GRIN2B: variants seen among roughly 807,000 people sequenced by gnomAD.
GRIN2B encodes glutamate ionotropic receptor NMDA type subunit 2B, also known as glutamate receptor ionotropic, NMDA 2B.
Under a neutral mutation model 114.5 loss-of-function variants are expected in GRIN2B, and 5 were observed. That is an observed-to-expected ratio of 0.04 (90% CI 0.02 to 0.09). The LOEUF (loss-of-function observed/expected upper bound fraction) is 0.09, where lower values mean the gene tolerates loss of function less well. Among genes scored for constraint, GRIN2B ranks in the 10% least tolerant of loss-of-function variants. GRIN2B has a pLI of 1.00. For synonymous variants in GRIN2B, 787 were observed against 745.1 expected, an observed-to-expected ratio of 1.06 and a Z score of -0.92; for missense variants, 1,108 against 1,943.5, an observed-to-expected ratio of 0.57 and a Z score of 8.08.
At chr12:13,703,182 G>T (rs1056865359) in intron 4 of GRIN2B, among the ~76,000 whole-genome samples, 5 of 152,088 alleles carry the variant, frequency 3.3e-5, no homozygotes, top group Non-Finnish European at 1.5e-5. Flanking sequence ...GTATGCAAGG[G>T]TTGGGCTTTT....
At chr12:13,599,009 G>A (rs891698376) in intron 10 of GRIN2B, among the ~76,000 whole-genome samples, 1 of 152,110 alleles carries the variant, frequency 6.6e-6, no homozygotes, top group Non-Finnish European at 1.5e-5. Flanking sequence ...TTGCCTGCTC[G>A]TTTTCTTCTC....
At chr12:13,884,980 G>C (rs1866131394) in intron 2 of GRIN2B, among the ~76,000 whole-genome samples, 1 of 152,132 alleles carries the variant, frequency 6.6e-6, no homozygotes, top group Non-Finnish European at 1.5e-5. Flanking sequence ...GAGTTTGAGA[G>C]ATTGAGTGAA....
At chr12:13,774,979 AATG>A (rs75004247) in intron 3 of GRIN2B, among the ~76,000 whole-genome samples, 15 of 151,538 alleles carry the variant, frequency 9.9e-5, no homozygotes, top group Admixed American at 7.2e-4. Flanking sequence ...GGAGAGGTAA[AATG>A]ATGATGATGA....
chr12:13,731,459 G>A (rs1015164316), intron 4 of GRIN2B, among the ~76,000 whole-genome samples: 1 of 152,086 alleles, frequency 6.6e-6, no homozygotes, highest in South Asian at 2.1e-4. Flanking sequence ...AAATTAGCTG[G>A]GCGTGGTGGT....
intron 3 of GRIN2B, among the ~76,000 whole-genome samples, chr12:13,755,832 G>A (rs1378592484): frequency 6.6e-6 from 1 of 152,126 alleles, no homozygotes; most frequent in Non-Finnish European, 1.5e-5. Flanking sequence ...AGATGAGTGA[G>A]GCCCTCATAA....
intron 2 of GRIN2B, among the ~76,000 whole-genome samples, chr12:13,888,551 T>C (rs1866204352): frequency 1.3e-5 from 2 of 151,360 alleles, no homozygotes; most frequent in African/African-American, 2.4e-5. Flanking sequence ...CTGGCCAATG[T>C]GGTGAAAACC....
chr12:13,879,005 C>T (rs1376379076), intron 2 of GRIN2B, among the ~76,000 whole-genome samples: 1 of 152,160 alleles, frequency 6.6e-6, no homozygotes, highest in Non-Finnish European at 1.5e-5. Flanking sequence ...ACTTTTTATT[C>T]TTCTCTTTGA....
rs563125374 is a variant in GRIN2B, at chr12:13,716,063, A to G, written c.1010+37254T>C. 4.9e-4 allele frequency among the ~76,000 whole-genome samples: 75 copies of G among 152,062 alleles called. No homozygotes were observed. In the South Asian group the frequency reaches 0.015, roughly 29 times the overall value. On this transcript the variant is annotated intron_variant, in intron 4 of 13. Coordinates refer to ENST00000609686, the MANE Select transcript of GRIN2B (RefSeq NM_000834.5). ...CACAATCCTTTCTGCAGGATTTTTT[A>G]AAAGCCTACAAAGAAAGTCTCAATG...
intron 3 of GRIN2B, among the ~76,000 whole-genome samples, chr12:13,831,068 C>T (rs1365557573): frequency 6.6e-6 from 1 of 152,154 alleles, no homozygotes; most frequent in African/African-American, 2.4e-5. Context: ...ACCCTAAGAG[C>T]AGGTTGTTAA....
chr12:13,577,981 T>C (rs898647719), intron 10 of GRIN2B, among the ~76,000 whole-genome samples: 1 of 152,284 alleles, frequency 6.6e-6, no homozygotes, highest in African/African-American at 2.4e-5. Context: ...AGGAGATGCC[T>C]GTGCTGAAGA....
intron 3 of GRIN2B, among the ~76,000 whole-genome samples, chr12:13,813,008 C>T (rs868588438): frequency 2.1e-5 from 3 of 142,616 alleles, no homozygotes; most frequent in Middle Eastern, 4.1e-3. Flanking sequence ...AGCTTGATCT[C>T]GGCTCACTAC....
intron 5 of GRIN2B, 128 bp from the exon 6 acceptor site, chr12:13,616,785 A>T: frequency 1.3e-6 from 1 of 754,170 alleles, no homozygotes; most frequent in Non-Finnish European, 2.4e-6. Flanking sequence ...CATTGTACAT[A>T]CTAGAGATAG....
At chr12:13,879,417 C>A (rs914690098) in intron 2 of GRIN2B, among the ~76,000 whole-genome samples, 1 of 151,434 alleles carries the variant, frequency 6.6e-6, no homozygotes, top group East Asian at 1.9e-4. Context: ...GGGCACATGA[C>A]CGTATAACAA....
In GRIN2B at chr12:13,559,575, C is replaced by T. The variant is rs745331687; in HGVS notation, c.*3208G>A. 1 of 152,236 alleles carries T rather than the reference C, an allele frequency of 6.6e-6. No individual in the cohort carries two copies. 9.4% of individuals were successfully genotyped at this position (152,236 alleles called of 1,614,324 possible). On this transcript the variant is annotated 3_prime_UTR_variant, in exon 14 of 14. Coordinates refer to ENST00000609686, the MANE Select transcript of GRIN2B (RefSeq NM_000834.5). ...ACATACCCACCCTCCCACGTCTAAA[C>T]CTAACTTCAGCAATCTTGCTAAGGG...
rs912665674 is a variant in GRIN2B at position 13,571,690 on chromosome 12, T to G, written c.2171+114A>C. On this transcript the variant is annotated intron_variant, in intron 11 of 13. Transcript: ENST00000609686. ...AAATCCATAAAGAGCAAATGAAGTC[T>G]TCTTTAACATTTTATGATACCAAGC... The G allele has an allele frequency of 8.0e-6, 9 of 1,126,690 alleles. No homozygotes were observed. In the African/African-American group the frequency reaches 9.1e-5, roughly 11 times the overall value. 69.8% of individuals were successfully genotyped at this position (1,126,690 alleles called of 1,614,324 possible).
intron 8 of GRIN2B, among the ~76,000 whole-genome samples, chr12:13,612,070 G>T (rs987251325): frequency 6.6e-6 from 1 of 152,162 alleles, no homozygotes; most frequent in African/African-American, 2.4e-5. Flanking sequence ...CTTCATGCCC[G>T]TGAGCCTCTT....
intron 5 of GRIN2B, among the ~76,000 whole-genome samples, chr12:13,643,989 A>G (rs1247366239): frequency 6.6e-6 from 1 of 152,170 alleles, no homozygotes; most frequent in Non-Finnish European, 1.5e-5. Context: ...GAGGGCCGGA[A>G]TAAACTTTTT....
chr12:13,886,937 T>C (rs10772716), intron 2 of GRIN2B, among the ~76,000 whole-genome samples: 60,847 of 152,066 alleles, frequency 0.4, 13,450 homozygotes, highest in East Asian at 0.65. Flanking sequence ...GGGGTAGATG[T>C]TATTATTAGC....
intron 3 of GRIN2B, among the ~76,000 whole-genome samples, chr12:13,860,107 C>A (rs1009884110): frequency 9.2e-5 from 14 of 152,250 alleles, no homozygotes; most frequent in African/African-American, 3.4e-4. Context: ...AGGCAATAGT[C>A]TACTCCCAGT....
Sources: allele counts gnomAD v4.1 joint callset (sites outside exome capture counted in the v4.1 genomes callset), GRCh38; gene constraint gnomAD v4.1.1; transcripts MANE v1.5; gene names NCBI Gene and HGNC (gene_info 2026-07-23, HGNC 2026-07-21).